TMEM106B: variants seen among roughly 807,000 people sequenced by gnomAD.
TMEM106B encodes transmembrane protein 106B.
Under a neutral mutation model 31.1 loss-of-function variants are expected in TMEM106B, and 15 were observed. That is an observed-to-expected ratio of 0.48 (90% CI 0.32 to 0.74). The LOEUF (loss-of-function observed/expected upper bound fraction) is 0.74. Among genes scored for constraint, TMEM106B ranks in the 30% least tolerant of loss-of-function variants. TMEM106B has a pLI of 0.03. For missense variants in TMEM106B, 283 were observed against 327.3 expected, an observed-to-expected ratio of 0.86 and a Z score of 1.04; for synonymous variants, 126 against 112.5, an observed-to-expected ratio of 1.12 and a Z score of -0.76.
Position 12,235,437 on chromosome 7 carries a change from C to G in TMEM106B, c.*3462C>G, listed in dbSNP as rs953512686. The G allele has an allele frequency of 6.6e-6, 1 of 151,970 alleles. No homozygotes were observed. The highest frequency in any genetic ancestry group is 2.4e-5 in the African/African-American group (1 of 41,396). The allele number at this position is 151,970 out of a possible 1,614,324, so 9.4% of individuals were successfully genotyped here. A position where few individuals can be genotyped will look rare whatever the true frequency, so the allele number is the denominator to read the frequency against. ...GTTAGGCCAGTGAAGCAATTATTTT[C>G]TCTAAGAAAATGACAATAAAATATA... is the stretch of plus-strand genomic sequence containing the variant. On this transcript the variant is annotated 3_prime_UTR_variant, in exon 8 of 8. Transcript: ENST00000396668.
At chr7:12,227,028 CTTTT>C (rs1781915064) in intron 4 of TMEM106B, among the ~76,000 whole-genome samples, 1 of 150,400 alleles carries the variant, frequency 6.6e-6, no homozygotes, top group African/African-American at 2.4e-5. Flanking sequence ...GTGATGTTTT[CTTTT>C]AAGTACCAGC....
At position 12,240,943 on chromosome 7, in the gene TMEM106B, T is replaced by G. The variant is rs1298266610; in HGVS notation, c.*8968T>G. ...CAACAAAACTGCTTTGGTTTATGGGTGAAACATAATTTATAACTAGGCAAA... is the reference window on the plus strand; with the variant it reads ...CAACAAAACTGCTTTGGTTTATGGGGGAAACATAATTTATAACTAGGCAAA... On this transcript the variant is annotated 3_prime_UTR_variant, in exon 8 of 8. Coordinates refer to ENST00000396668, the MANE Select transcript of TMEM106B (RefSeq NM_001134232.2). The G allele has an allele frequency of 6.6e-6, 1 of 152,150 alleles. No homozygotes were observed. The highest frequency in any genetic ancestry group is 1.5e-5 in the Non-Finnish European group (1 of 68,024). 9.4% of individuals were successfully genotyped at this position (152,150 alleles called of 1,614,324 possible).
Position 12,222,879 on chromosome 7 carries a change from C to CT in TMEM106B, c.282-1344dup, listed in dbSNP as rs1781815381. Among the ~76,000 whole-genome samples, 3 of 152,156 alleles carry CT rather than the reference C, an allele frequency of 2.0e-5. No homozygotes were observed. In the South Asian group the frequency reaches 6.2e-4, roughly 32 times the overall value. ...ATTTATAAAATATCTGCAGGAGGCA[C>CT]TTTAATTGCTCTTGTAATACATACA... On this transcript the variant is annotated intron_variant, in intron 3 of 7. Coordinates refer to ENST00000396668, the MANE Select transcript of TMEM106B (RefSeq NM_001134232.2).
At chr7:12,218,588 A>G (rs1477636986) in intron 3 of TMEM106B, 67 bp downstream of exon 3, 44 of 1,339,016 alleles carry the variant, frequency 3.3e-5, no homozygotes, top group Non-Finnish European at 4.2e-5. Flanking sequence ...TTTTCAAATT[A>G]TGTATAATAA....
intron 3 of TMEM106B, 22 bp downstream of exon 3, chr7:12,218,543 G>A: frequency 6.3e-7 from 1 of 1,588,878 alleles, no homozygotes; most frequent in South Asian, 1.1e-5. Context: ...TAAGAATATG[G>A]CAGTGTTTTA....
chr7:12,212,307 A>G (rs1418008659), intron 1 of TMEM106B, among the ~76,000 whole-genome samples: 2 of 152,088 alleles, frequency 1.3e-5, no homozygotes, highest in Admixed American at 6.6e-5. Flanking sequence ...CCTTGCTGAT[A>G]AGGCCCAATG....
At chr7:12,218,311 GA>G (rs1781727048) in intron 2 of TMEM106B, 146 bp from the exon 3 acceptor site, 2 of 490,688 alleles carry the variant, frequency 4.1e-6, no homozygotes, top group Middle Eastern at 5.5e-4. Flanking sequence ...ACTTCTGCTG[GA>G]TACTTTCTGA....
At chr7:12,229,627 T>G in intron 4 of TMEM106B, 52 bp from the exon 5 acceptor site, 1 of 1,350,386 alleles carries the variant, frequency 7.4e-7, no homozygotes, top group Non-Finnish European at 9.8e-7. Context: ...TTTAAATACA[T>G]ATTTGTATAT....
At position 12,218,450 on chromosome 7, in the gene TMEM106B, A is replaced by C; in HGVS notation, c.218-8A>C. 1 of 1,610,084 alleles carries C rather than the reference A, an allele frequency of 6.2e-7. No individual in the cohort carries two copies. The highest frequency in any genetic ancestry group is 8.5e-7 in the Non-Finnish European group (1 of 1,177,754). On this transcript the variant is annotated splice_polypyrimidine_tract_variant and splice_region_variant and intron_variant, in intron 2 of 7. Transcript: ENST00000396668. ...AGTAATTTCTGAACTTACTTCTTTC[A>C]CATTTAGGGCAAGAAAACCAACTGG...
chr7:12,216,468 C>T (rs1287474308), intron 2 of TMEM106B, among the ~76,000 whole-genome samples: 2 of 151,966 alleles, frequency 1.3e-5, no homozygotes, highest in East Asian at 1.9e-4. Flanking sequence ...GCCTATTTGA[C>T]GTGGAAGTGG....
rs192483408 is a variant in TMEM106B, at chr7:12,218,210, G to T, written c.218-248G>T. Among the ~76,000 whole-genome samples, 11 of 150,812 alleles carry T rather than the reference G, an allele frequency of 7.3e-5. No homozygotes were observed. The East Asian group carries it at 1.9e-3, about 27-fold the overall frequency. Reference sequence around the variant, plus strand: ...GCTAGGACTTAGATTTTTTTTAGTGGAAGAAAAAGTAAGCCCTCATTTGTT... The same window carrying T: ...GCTAGGACTTAGATTTTTTTTAGTGTAAGAAAAAGTAAGCCCTCATTTGTT... On this transcript the variant is annotated intron_variant, in intron 2 of 7. Transcript: ENST00000396668.
intron 3 of TMEM106B, among the ~76,000 whole-genome samples, chr7:12,219,837 A>G (rs1201237167): frequency 6.6e-6 from 1 of 152,208 alleles, no homozygotes; most frequent in African/African-American, 2.4e-5. Flanking sequence ...TCACATAAAG[A>G]AAACTAAACA....
At chr7:12,213,995 G>C (rs1190717734) in intron 1 of TMEM106B, among the ~76,000 whole-genome samples, 1 of 152,128 alleles carries the variant, frequency 6.6e-6, no homozygotes, top group African/African-American at 2.4e-5. Flanking sequence ...AATTAAAACA[G>C]AGATTTGAAG....
rs943930114 is a variant in TMEM106B at position 12,235,395 on chromosome 7, C to G, written c.*3420C>G. The G allele has an allele frequency of 6.6e-6, 1 of 152,132 alleles. No individual in the cohort carries two copies. The highest frequency in any genetic ancestry group is 6.6e-5 in the Admixed American group (1 of 15,218). The allele number at this position is 152,132 out of a possible 1,614,324, so 9.4% of individuals were successfully genotyped here. A position where few individuals can be genotyped will look rare whatever the true frequency, so the allele number is the denominator to read the frequency against. Reference sequence around the variant, plus strand: ...TAAATGGCTATATTTTATTTGTGTACAGTTTTTCTGTGCCTTGTTAGGCCA... The same window carrying G: ...TAAATGGCTATATTTTATTTGTGTAGAGTTTTTCTGTGCCTTGTTAGGCCA... On this transcript the variant is annotated 3_prime_UTR_variant, in exon 8 of 8. Transcript: ENST00000396668.
intron 6 of TMEM106B, chr7:12,230,758 GTAGA>G (rs1401902731): frequency 4.4e-5 from 14 of 320,188 alleles, no homozygotes; most frequent in Admixed American, 1.4e-4. Flanking sequence ...TTGAATAAGC[GTAGA>G]TACAGACTTT....
intron 4 of TMEM106B, among the ~76,000 whole-genome samples, chr7:12,229,007 A>C (rs1025186265): frequency 4.6e-5 from 7 of 152,040 alleles, no homozygotes; most frequent in African/African-American, 1.7e-4. Context: ...GTTATAGATT[A>C]TAACCGATGC....
intron 5 of TMEM106B, among the ~76,000 whole-genome samples, chr7:12,230,095 C>T (rs1387671734): frequency 2.6e-5 from 4 of 151,868 alleles, no homozygotes; most frequent in African/African-American, 9.7e-5. Flanking sequence ...GTGTGCACCT[C>T]TCTTCCCACC....
chr7:12,228,228 C>CAT (rs1392484102), intron 4 of TMEM106B, among the ~76,000 whole-genome samples: 2 of 151,808 alleles, frequency 1.3e-5, no homozygotes, highest in South Asian at 4.1e-4. Flanking sequence ...CTGACTCTAG[C>CAT]ATATTCTTTC....
rs1233969960 is a variant in TMEM106B, at chr7:12,230,225, A to AAAAAAG, written c.583-154_583-149dup. 174 of 677,822 alleles carry AAAAAAG rather than the reference A, an allele frequency of 2.6e-4. 2 individuals carry two copies. The African/African-American group carries it at 2.8e-3, about 11-fold the overall frequency. The allele number at this position is 677,822 out of a possible 1,614,324, so 42.0% of individuals were successfully genotyped here. On this transcript the variant is annotated intron_variant, in intron 5 of 7. Transcript: ENST00000396668. ...AGTGAGATCCTGTCTCAAAAAAGAA[A>AAAAAAG]AAAAAGAAAAAGAAATGTGTCTTAT...
Sources: allele counts gnomAD v4.1 joint callset (sites outside exome capture counted in the v4.1 genomes callset), GRCh38; gene constraint gnomAD v4.1.1; transcripts MANE v1.5; gene names NCBI Gene and HGNC (gene_info 2026-07-23, HGNC 2026-07-21).